TUT4: variants seen among roughly 807,000 people sequenced by gnomAD.
The protein encoded by TUT4 is terminal uridylyl transferase 4.
TUT4 carries 36 observed loss-of-function variants against 192.2 expected under a neutral mutation model. The observed-to-expected ratio is 0.19, with a 90% CI of 0.14 to 0.25. The LOEUF is 0.25. Ranked by LOEUF, TUT4 falls within the 10% of genes least tolerant of loss-of-function variation. The pLI is 1.00. For missense variants in TUT4, 1,493 were observed against 1,957.2 expected, an observed-to-expected ratio of 0.76 and a Z score of 4.47; for synonymous variants, 618 against 666.0, an observed-to-expected ratio of 0.93 and a Z score of 1.11.
intron 3 of TUT4, among the ~76,000 whole-genome samples, chr1:52,510,254 G>A (rs369711510): frequency 8.3e-5 from 12 of 145,336 alleles, no homozygotes; most frequent in Admixed American, 4.3e-4. Context: ...AGAGTTTGCA[G>A]CAGCGAGCCG....
At chr1:52,495,641 CAAG>C (rs1672266433) in intron 5 of TUT4, 126 bp from the exon 6 acceptor site, 1 of 577,192 alleles carries the variant, frequency 1.7e-6, no homozygotes, top group East Asian at 3.1e-5. Flanking sequence ...GACAATTATA[CAAG>C]AAGAACACCC....
At chr1:52,501,691 A>G (rs1001866502) in intron 4 of TUT4, among the ~76,000 whole-genome samples, 11 of 152,226 alleles carry the variant, frequency 7.2e-5, no homozygotes, top group Admixed American at 5.2e-4. Context: ...ACAACAGTCA[A>G]ATGGTGGAAA....
chr1:52,529,072 ACTGT>A (rs1483489648), intron 1 of TUT4, among the ~76,000 whole-genome samples: 1 of 152,178 alleles, frequency 6.6e-6, no homozygotes, highest in African/African-American at 2.4e-5. Flanking sequence ...CCAGAGTAAT[ACTGT>A]CTTTTACTTT....
intron 28 of TUT4, among the ~76,000 whole-genome samples, chr1:52,429,082 G>GTTTT (rs1195739562): frequency 6.1e-5 from 8 of 131,418 alleles, no homozygotes; most frequent in African/African-American, 1.2e-4. Flanking sequence ...TCCATAATAG[G>GTTTT]TTTTTTTTTT....
chr1:52,430,978 A>G (rs758481845), intron 28 of TUT4, 35 bp downstream of exon 28: 2 of 1,523,000 alleles, frequency 1.3e-6, no homozygotes, highest in South Asian at 2.6e-5. Context: ...AGAAGAAAAG[A>G]CATGCAGATA....
chr1:52,479,185 T>C (rs1256733629), intron 11 of TUT4, among the ~76,000 whole-genome samples: 1 of 151,384 alleles, frequency 6.6e-6, no homozygotes, highest in Non-Finnish European at 1.5e-5. Context: ...CAAACCAAGA[T>C]AGAGTGAGAG....
intron 1 of TUT4, among the ~76,000 whole-genome samples, chr1:52,531,914 T>G (rs35688461): frequency 6.6e-4 from 84 of 127,466 alleles, no homozygotes; most frequent in African/African-American, 2.5e-3. Context: ...TTTTTTTTTT[T>G]GAGACAGAAT....
At chr1:52,536,946 A>G (rs1280721967) in intron 1 of TUT4, among the ~76,000 whole-genome samples, 2 of 152,154 alleles carry the variant, frequency 1.3e-5, no homozygotes, top group Non-Finnish European at 2.9e-5. Context: ...CAGGCGGATC[A>G]TGAGGTCAGG....
chr1:52,543,130 C>T (rs1203427576), intron 1 of TUT4, among the ~76,000 whole-genome samples: 2 of 152,190 alleles, frequency 1.3e-5, no homozygotes, highest in Admixed American at 6.6e-5. Flanking sequence ...CAAAACGCAT[C>T]TCAATTGGAA....
At chr1:52,536,881 A>G (rs911976624) in intron 1 of TUT4, among the ~76,000 whole-genome samples, 1 of 151,418 alleles carries the variant, frequency 6.6e-6, no homozygotes, top group Non-Finnish European at 1.5e-5. Context: ...ATTTTAAAAA[A>G]TAGGCCGGGC....
chr1:52,521,881 C>T (rs1382703397), intron 2 of TUT4, among the ~76,000 whole-genome samples: 1 of 152,174 alleles, frequency 6.6e-6, no homozygotes, highest in African/African-American at 2.4e-5. Flanking sequence ...AGGAGAATCA[C>T]TTGAACCCGG....
intron 1 of TUT4, among the ~76,000 whole-genome samples, chr1:52,537,819 A>G (rs2149603184): frequency 6.6e-6 from 1 of 152,302 alleles, no homozygotes; most frequent in Non-Finnish European, 1.5e-5. Flanking sequence ...AGGCTGAAGC[A>G]GGAAGATCGC....
chr1:52,507,826 T>C (rs1401677123), intron 4 of TUT4, among the ~76,000 whole-genome samples: 1 of 152,182 alleles, frequency 6.6e-6, no homozygotes, highest in Non-Finnish European at 1.5e-5. Context: ...TTTTCTTTTT[T>C]TTGTGATAGA....
At chr1:52,462,501 A>G (rs951733054) in intron 16 of TUT4, 7 of 161,462 alleles carry the variant, frequency 4.3e-5, no homozygotes, top group Admixed American at 1.3e-4. Context: ...TCTTAAACTA[A>G]GTATTGATTA....
At chr1:52,520,497 C>T (rs1406098722) in intron 2 of TUT4, among the ~76,000 whole-genome samples, 1 of 152,162 alleles carries the variant, frequency 6.6e-6, no homozygotes, top group East Asian at 1.9e-4. Context: ...AGGCCTTATC[C>T]TAGGCTTTCT....
chr1:52,433,886 T>C (rs1372380019), intron 27 of TUT4: 1 of 152,178 alleles, frequency 6.6e-6, no homozygotes, highest in Non-Finnish European at 1.5e-5. Context: ...GGAAGGATGG[T>C]AGGAAGCTTT....
chr1:52,525,370 T>G lies in TUT4; in HGVS notation c.718+193A>C, dbSNP rs578232482. On this transcript the variant is annotated intron_variant, in intron 2 of 29. Transcript: ENST00000257177. ...TACCATAATAAATGAAAAGGCTTTT[T>G]TTTTTTAGCTTCACCAAGGATCAAT... Among the ~76,000 whole-genome samples, 3 of 152,294 alleles carry G rather than the reference T, an allele frequency of 2.0e-5. No homozygotes were observed. The East Asian group carries it at 5.8e-4, about 29-fold the overall frequency.
intron 1 of TUT4, among the ~76,000 whole-genome samples, chr1:52,537,016 C>T (rs936700868): frequency 6.0e-5 from 9 of 150,054 alleles, no homozygotes; most frequent in East Asian, 2.0e-4. Flanking sequence ...AAAAATTAGC[C>T]GGGCATGGTG....
rs1248013332 is a variant in TUT4 at position 52,423,786 on chromosome 1, T to G, written c.*149A>C. The G allele has an allele frequency of 6.5e-7, 1 of 1,532,212 alleles. No individual in the cohort carries two copies. The highest frequency in any genetic ancestry group is 8.8e-7 in the Non-Finnish European group (1 of 1,137,832). 94.9% of individuals were successfully genotyped at this position (1,532,212 alleles called of 1,614,324 possible). A position where few individuals can be genotyped will look rare whatever the true frequency, so the allele number is the denominator to read the frequency against. Reference sequence around the variant, plus strand: ...TAAGCTATCTAAACGTGTTAAAATTTTAAATCAGGACCTGATTTGTTTTGC... The same window carrying G: ...TAAGCTATCTAAACGTGTTAAAATTGTAAATCAGGACCTGATTTGTTTTGC... On this transcript the variant is annotated 3_prime_UTR_variant, in exon 30 of 30. Transcript: ENST00000257177.
Sources: allele counts gnomAD v4.1 joint callset (sites outside exome capture counted in the v4.1 genomes callset), GRCh38; gene constraint gnomAD v4.1.1; transcripts MANE v1.5; gene names NCBI Gene and HGNC (gene_info 2026-07-23, HGNC 2026-07-21).